The following DIP2C variants were observed in gnomAD, a reference collection of about 807,000 sequenced individuals.
The protein encoded by DIP2C is disco-interacting protein 2 homolog C.
In DIP2C, 33 loss-of-function variants were observed where a neutral mutation model predicts 192.4. The ratio of observed to expected loss-of-function variants is 0.17; its 90% CI spans 0.13 to 0.23. DIP2C has a LOEUF of 0.23. Ranked by LOEUF, DIP2C falls within the 10% of genes least tolerant of loss-of-function variation. The pLI, the probability that DIP2C is intolerant of heterozygous loss-of-function variation, is 1.00. For missense variants in DIP2C, 1,537 were observed against 2,110.1 expected (o/e 0.73, Z 5.32); for synonymous variants, 979 against 864.1 (o/e 1.13, Z -2.33).
rs1175787856 is a variant in DIP2C, at chr10:305,569, C to T, written c.3986+4462G>A. Among the ~76,000 whole-genome samples, 8 of 152,126 alleles carry T rather than the reference C, an allele frequency of 5.3e-5. No homozygotes were observed. The South Asian group carries it at 8.3e-4, about 16-fold the overall frequency. On this transcript the variant is annotated intron_variant, in intron 32 of 36. Transcript: ENST00000280886. ...TAGTTATGACTTCAGGTTACAAGCCCGGAGGAAGCTAAGAAAGTTTTCATT... is the reference window on the plus strand; with the variant it reads ...TAGTTATGACTTCAGGTTACAAGCCTGGAGGAAGCTAAGAAAGTTTTCATT...
chr10:433,714 T>C (rs7914025), intron 4 of DIP2C, among the ~76,000 whole-genome samples: 22,313 of 152,044 alleles, frequency 0.15, 4,014 homozygotes, highest in African/African-American at 0.43. Flanking sequence ...AGTGTTAACA[T>C]TTATATCTTT....
intron 1 of DIP2C, among the ~76,000 whole-genome samples, chr10:660,179 C>G (rs1316364472): frequency 6.6e-6 from 1 of 152,038 alleles, no homozygotes; most frequent in African/African-American, 2.4e-5. Context: ...GCCCTTGTCC[C>G]TGTTTCAAGC....
In DIP2C at chr10:541,442, C is replaced by T. The variant is rs117342600; in HGVS notation, c.86-54912G>A. Among the ~76,000 whole-genome samples, 1,367 of 150,202 alleles carry T rather than the reference C, an allele frequency of 9.1e-3. 7 individuals are homozygous for T. Among genetic ancestry groups the T allele is most frequent in the Non-Finnish European group, 0.015 (1,030 of 67,452 alleles). ...TCGTGACCCTCCACCCGACCACACC[C>T]GTCTCTCCTGGACCCCCCCGAGTGA... On this transcript the variant is annotated intron_variant, in intron 1 of 36. Coordinates refer to ENST00000280886, the MANE Select transcript of DIP2C (RefSeq NM_014974.3).
intron 1 of DIP2C, among the ~76,000 whole-genome samples, chr10:563,446 T>G (rs1289220540): frequency 1.3e-5 from 2 of 152,232 alleles, no homozygotes; most frequent in Admixed American, 6.5e-5. Context: ...GAAATGAGTC[T>G]TCATGAGAAA....
At chr10:299,977 A>G (rs1006385542) in intron 32 of DIP2C, among the ~76,000 whole-genome samples, 2 of 152,192 alleles carry the variant, frequency 1.3e-5, no homozygotes, top group Non-Finnish European at 2.9e-5. Context: ...TCTCACACCC[A>G]TTAGGATAAC....
In DIP2C at chr10:622,808, C is replaced by A. The variant is rs370154743; in HGVS notation, c.85+66686G>T. ...TGGGAATGTTAAGCTCAGTCCAGTTCAATTCAATAAGCATTTATCAAGAAA... is the reference window on the plus strand; with the variant it reads ...TGGGAATGTTAAGCTCAGTCCAGTTAAATTCAATAAGCATTTATCAAGAAA... On this transcript the variant is annotated intron_variant, in intron 1 of 36. Coordinates refer to ENST00000280886, the MANE Select transcript of DIP2C (RefSeq NM_014974.3). Among the ~76,000 whole-genome samples, 3 of 152,228 alleles carry A rather than the reference C, an allele frequency of 2.0e-5. No homozygotes were observed. The East Asian group carries it at 5.8e-4, about 29-fold the overall frequency.
At chr10:298,052 G>A (rs1955843691) in intron 32 of DIP2C, among the ~76,000 whole-genome samples, 3 of 152,186 alleles carry the variant, frequency 2.0e-5, no homozygotes, top group African/African-American at 4.8e-5. Context: ...ACATTAGTTA[G>A]AATTAGTAAG....
At chr10:406,060 G>C (rs76320670) in intron 9 of DIP2C, among the ~76,000 whole-genome samples, 1 of 152,128 alleles carries the variant, frequency 6.6e-6, no homozygotes, top group Non-Finnish European at 1.5e-5. Flanking sequence ...CCGTGCTCCC[G>C]TATCTCTACT....
In DIP2C at chr10:471,373, A is replaced by G. The variant is rs540729623; in HGVS notation, c.268+1066T>C. Among the ~76,000 whole-genome samples, 296 of 152,308 alleles carry G rather than the reference A, an allele frequency of 1.9e-3. 1 individual carries two copies. Among genetic ancestry groups the G allele is most frequent in the Middle Eastern group, 0.01 (3 of 294 alleles). ...TGAGCCTGCATGGACAGAGAGATTC[A>G]TTACAGCACGACTGACACTCACAGG... On this transcript the variant is annotated intron_variant, in intron 3 of 36. Coordinates refer to ENST00000280886, the MANE Select transcript of DIP2C (RefSeq NM_014974.3).
chr10:687,627 G>A (rs1041600082), intron 1 of DIP2C, among the ~76,000 whole-genome samples: 15 of 152,192 alleles, frequency 9.9e-5, no homozygotes, highest in African/African-American at 3.1e-4. Flanking sequence ...CTGTACAGAC[G>A]CAAGGTGTTC....
chr10:514,701 T>A (rs1846239438), intron 1 of DIP2C, among the ~76,000 whole-genome samples: 1 of 152,092 alleles, frequency 6.6e-6, no homozygotes, highest in African/African-American at 2.4e-5. Flanking sequence ...CTGAGGGACC[T>A]GGTCTTTCTG....
chr10:514,569 C>T (rs1476356187), intron 1 of DIP2C, among the ~76,000 whole-genome samples: 1 of 152,192 alleles, frequency 6.6e-6, no homozygotes, highest in African/African-American at 2.4e-5. Context: ...GCAGACCAGA[C>T]CTCACTCCAA....
At chr10:367,540 C>A (rs1960422965) in intron 18 of DIP2C, among the ~76,000 whole-genome samples, 1 of 152,200 alleles carries the variant, frequency 6.6e-6, no homozygotes. Flanking sequence ...CTGCTGCTTA[C>A]CGCTCGGCAG....
chr10:650,282 C>A (rs773113379), intron 1 of DIP2C: 6 of 716,730 alleles, frequency 8.4e-6, no homozygotes, highest in South Asian at 7.4e-5. Context: ...GCACTGGATG[C>A]GATTTCAGGG....
At position 682,548 on chromosome 10, in the gene DIP2C, A is replaced by C. The variant is rs535868049; in HGVS notation, c.85+6946T>G. ...CTGTGATACATCAACCCAAAGATTA[A>C]ACATTAAAACGATGAAGTAGCAAGA... On this transcript the variant is annotated intron_variant, in intron 1 of 36. Coordinates refer to ENST00000280886, the MANE Select transcript of DIP2C (RefSeq NM_014974.3). Among the ~76,000 whole-genome samples, 11 of 152,342 alleles carry C rather than the reference A, an allele frequency of 7.2e-5. No homozygotes were observed. The South Asian group carries it at 2.3e-3, about 32-fold the overall frequency.
intron 1 of DIP2C, among the ~76,000 whole-genome samples, chr10:625,212 C>A (rs1177516032): frequency 1.3e-5 from 2 of 152,192 alleles, no homozygotes; most frequent in African/African-American, 4.8e-5. Flanking sequence ...ACAAGCCCTT[C>A]ATTATCACGG....
intron 4 of DIP2C, among the ~76,000 whole-genome samples, chr10:431,505 T>C (rs1966855333): frequency 6.6e-6 from 1 of 152,244 alleles, no homozygotes; most frequent in Non-Finnish European, 1.5e-5. Context: ...CAGGCTGGTC[T>C]CGAACTCCTG....
intron 3 of DIP2C, among the ~76,000 whole-genome samples, chr10:442,200 T>G (rs1967795990): frequency 6.6e-6 from 1 of 152,098 alleles, no homozygotes; most frequent in South Asian, 2.1e-4. Flanking sequence ...GGCAGTCTTC[T>G]CTGAAGCTGT....
At chr10:527,786 T>C (rs528223486) in intron 1 of DIP2C, among the ~76,000 whole-genome samples, 1 of 152,166 alleles carries the variant, frequency 6.6e-6, no homozygotes, top group African/African-American at 2.4e-5. Context: ...AGAAAATCCA[T>C]AAGAAAGTCA....
Sources: gnomAD v4.1 joint callset for allele counts (sites outside exome capture counted in the v4.1 genomes callset) on GRCh38, gnomAD v4.1.1 for gene constraint, MANE v1.5 for transcripts, NCBI Gene and HGNC (gene_info 2026-07-23, HGNC 2026-07-21) for gene names.